The following NXPE3 variants were observed in gnomAD, a reference collection of about 807,000 sequenced individuals.
NXPE3 encodes the protein NXPE family member 3.
NXPE3 carries 26 observed loss-of-function variants against 46.1 expected under a neutral mutation model. The observed-to-expected ratio is 0.56, with a 90% CI of 0.41 to 0.78. The LOEUF is 0.78. Ranked by LOEUF, NXPE3 falls within the 30% of genes least tolerant of loss-of-function variation. The pLI, the probability that NXPE3 is intolerant of heterozygous loss-of-function variation, is 0.00. For synonymous variants in NXPE3, 272 were observed against 257.9 expected, an observed-to-expected ratio of 1.05 and a Z score of -0.52; for missense variants, 620 against 686.0, an observed-to-expected ratio of 0.90 and a Z score of 1.07.
At chr3:101,807,858 G>A (rs776545984) in intron 6 of NXPE3, among the ~76,000 whole-genome samples, 4 of 151,978 alleles carry the variant, frequency 2.6e-5, no homozygotes, top group African/African-American at 7.3e-5. Flanking sequence ...TCAAAAAGTT[G>A]TGTTGGACAT....
chr3:101,801,001 CTTGAGGGGCAGCTTTGTTAAG>C (rs1463071933), intron 4 of NXPE3, among the ~76,000 whole-genome samples: 5 of 152,086 alleles, frequency 3.3e-5, no homozygotes, highest in Non-Finnish European at 7.4e-5. Context: ...AGTGGTTTCT[CTTGAGGGGCAGCTTTGTTAAG>C]AACAACACAG....
In NXPE3 at chr3:101,824,545, G is replaced by A. The variant is rs1476186567; in HGVS notation, c.*2591G>A. On this transcript the variant is annotated 3_prime_UTR_variant, in exon 8 of 8. Coordinates refer to ENST00000273347, the MANE Select transcript of NXPE3 (RefSeq NM_145037.4). ...GCAGCCTTGACTTCCTGGGCTCAAG[G>A]GATCCTTCTGCCTCAGCCTCCTGAG... 6.6e-6 allele frequency: 1 copy of A among 152,280 alleles called. No homozygotes were observed. The highest frequency in any genetic ancestry group is 1.5e-5 in the Non-Finnish European group (1 of 68,178). The allele number at this position is 152,280 out of a possible 1,614,324, so 9.4% of individuals were successfully genotyped here.
intron 6 of NXPE3, among the ~76,000 whole-genome samples, chr3:101,809,197 T>C (rs1166758312): frequency 6.6e-6 from 1 of 152,090 alleles, no homozygotes; most frequent in African/African-American, 2.4e-5. Context: ...AGCCTTTTGA[T>C]ATATTTTTAG....
chr3:101,784,389 G>C (rs1315921710), intron 3 of NXPE3, among the ~76,000 whole-genome samples: 1 of 152,158 alleles, frequency 6.6e-6, no homozygotes, highest in African/African-American at 2.4e-5. Flanking sequence ...GCTCACCCTT[G>C]TCTCCTTTGT....
chr3:101,816,276 T>A (rs1941965451), intron 6 of NXPE3, among the ~76,000 whole-genome samples: 1 of 152,212 alleles, frequency 6.6e-6, no homozygotes, highest in African/African-American at 2.4e-5. Flanking sequence ...AAAACCTTTT[T>A]TTTTTTTAAT....
At position 101,816,846 on chromosome 3, in the gene NXPE3, A is replaced by G; in HGVS notation, c.974A>G (p.Tyr325Cys). Residue 325 changes from tyrosine (Y) to cysteine (C), a missense_variant, in exon 7 of 8, where the codon TAT becomes TGT. Physicochemically the swap from Tyr to Cys is radical, Grantham distance 194 (BLOSUM62 -2). Around this residue, in one of 3 missense-constraint regions of NXPE3, gnomAD observed 511 missense variants for 528.6 expected, o/e 0.97. Transcript: ENST00000273347. ...SQGSGTFPSG[Y>C]YYKDQWRPRK... ...GGCTCAGGAACTTTTCCTTCTGGGTATTATTATAAAGACCAGTGGAGGCCC... is the reference window on the plus strand; with the variant it reads ...GGCTCAGGAACTTTTCCTTCTGGGTGTTATTATAAAGACCAGTGGAGGCCC... 6.2e-7 allele frequency: 1 copy of G among 1,614,064 alleles called. No individual in the cohort carries two copies. Among genetic ancestry groups the G allele is most frequent in the Middle Eastern group, 1.6e-4 (1 of 6,062 alleles).
Position 101,822,175 on chromosome 3 carries a change from TCTTA to T in NXPE3, c.*222_*225del. On this transcript the variant is annotated 3_prime_UTR_variant, in exon 8 of 8. Transcript: ENST00000273347. Reference sequence around the variant, plus strand: ...AATGTTGACTTAGCCATGGTAGAACTCTTAACTGCATCTACACACTATATTGCTC... The same window carrying T: ...AATGTTGACTTAGCCATGGTAGAACTACTGCATCTACACACTATATTGCTC... 3.9e-6 allele frequency: 2 copies of T among 506,496 alleles called. No individual in the cohort carries two copies. The highest frequency in any genetic ancestry group is 7.0e-6 in the Non-Finnish European group (2 of 283,912). The allele number at this position is 506,496 out of a possible 1,614,324, so 31.4% of individuals were successfully genotyped here.
chr3:101,817,094 G>A, intron 7 of NXPE3, 93 bp downstream of exon 7: 2 of 1,081,980 alleles, frequency 1.8e-6, no homozygotes, highest in South Asian at 1.3e-5. Flanking sequence ...GTTATCAGGT[G>A]AGGAAACATA....
chr3:101,821,709 G>A lies in NXPE3; in HGVS notation c.1435G>A (p.Val479Met). 1 of 1,614,244 alleles carries A rather than the reference G, an allele frequency of 6.2e-7. No individual in the cohort carries two copies. The highest frequency in any genetic ancestry group is 1.3e-5 in the African/African-American group (1 of 75,070). ...CCTCGATCGAAGCCCAAAGACCGTG[G>A]TGGTCATCCGGACGGCCAACGCCCA... ...RLLDRSPKTVVVIRTANAQEL... is the reference protein window; with the variant it reads ...RLLDRSPKTVMVIRTANAQEL... The change falls in exon 8 of 8, where the codon GTG (valine) becomes ATG (methionine). Residue 479 changes from valine (V) to methionine (M), a missense_variant. Coordinates refer to ENST00000273347, the MANE Select transcript of NXPE3 (RefSeq NM_145037.4).
At chr3:101,817,836 G>A (rs750577415) in intron 7 of NXPE3, among the ~76,000 whole-genome samples, 1 of 152,094 alleles carries the variant, frequency 6.6e-6, no homozygotes, top group Non-Finnish European at 1.5e-5. Context: ...ATGGTTTGTT[G>A]TGAGTTGTTT....
At chr3:101,813,793 A>G (rs1001063637) in intron 6 of NXPE3, among the ~76,000 whole-genome samples, 3 of 152,344 alleles carry the variant, frequency 2.0e-5, no homozygotes, top group East Asian at 1.9e-4. Context: ...AGACTTTCAT[A>G]TCTCAGTTAT....
At chr3:101,820,123 A>G (rs1390794731) in intron 7 of NXPE3, among the ~76,000 whole-genome samples, 1 of 149,540 alleles carries the variant, frequency 6.7e-6, no homozygotes, top group Admixed American at 6.6e-5. Flanking sequence ...CTCATAAAAC[A>G]GAAGTTAAAG....
At chr3:101,812,738 G>C (rs935869987) in intron 6 of NXPE3, among the ~76,000 whole-genome samples, 78 of 138,956 alleles carry the variant, frequency 5.6e-4, no homozygotes, top group Non-Finnish European at 9.6e-4. Flanking sequence ...CGTGAACCCG[G>C]GAGGCGGAGG....
chr3:101,811,727 A>ATTTTTT (rs33999838), intron 6 of NXPE3, among the ~76,000 whole-genome samples: 9 of 98,630 alleles, frequency 9.1e-5, no homozygotes, highest in East Asian at 2.8e-4. Flanking sequence ...GCAGTAGTTA[A>ATTTTTT]TTTTTTTTTT....
intron 4 of NXPE3, 38 bp from the exon 5 acceptor site, chr3:101,801,197 A>G (rs1448764811): frequency 1.3e-6 from 2 of 1,562,104 alleles, no homozygotes; most frequent in Non-Finnish European, 1.7e-6. Context: ...GAGACCTATT[A>G]TAGTGGTAAT....
chr3:101,790,521 G>C (rs914774497), intron 4 of NXPE3, among the ~76,000 whole-genome samples: 1 of 152,160 alleles, frequency 6.6e-6, no homozygotes, highest in Non-Finnish European at 1.5e-5. Context: ...AATGTACTCT[G>C]TATGATATTA....
In NXPE3 at chr3:101,824,875, C is replaced by T. The variant is rs1942423363; in HGVS notation, c.*2921C>T. 6.6e-6 allele frequency: 1 copy of T among 152,158 alleles called. No homozygotes were observed. Among genetic ancestry groups the T allele is most frequent in the South Asian group, 2.1e-4 (1 of 4,832 alleles). The allele number at this position is 152,158 out of a possible 1,614,324, so 9.4% of individuals were successfully genotyped here. A position where few individuals can be genotyped will look rare whatever the true frequency, so the allele number is the denominator to read the frequency against. The stretch of plus-strand genomic sequence containing the variant: ...CCTCCAGTGGTTTGGAATGATGCCA[C>T]TTGATTGTGCAAATGATTTCTTATG... On this transcript the variant is annotated 3_prime_UTR_variant, in exon 8 of 8. Coordinates refer to ENST00000273347, the MANE Select transcript of NXPE3 (RefSeq NM_145037.4).
rs17347617 is a variant in NXPE3 at position 101,828,003 on chromosome 3, G to A, written c.*6049G>A. 0.051 allele frequency: 7,831 copies of A among 152,304 alleles called. 293 individuals carry two copies. The highest frequency in any genetic ancestry group is 0.078 in the Non-Finnish European group (5,281 of 68,034). The allele number at this position is 152,304 out of a possible 1,614,324, so 9.4% of individuals were successfully genotyped here. On this transcript the variant is annotated 3_prime_UTR_variant, in exon 8 of 8. Transcript: ENST00000273347. ...AGAGGGGCTGGCCTCCTCTTGCCACGAGGTCAGACGGCGAGTTCTTAGAGA... is the reference window on the plus strand; with the variant it reads ...AGAGGGGCTGGCCTCCTCTTGCCACAAGGTCAGACGGCGAGTTCTTAGAGA...
intron 6 of NXPE3, among the ~76,000 whole-genome samples, chr3:101,810,940 G>A (rs893932702): frequency 2.0e-5 from 3 of 151,732 alleles, no homozygotes; most frequent in Non-Finnish European, 4.4e-5. Context: ...AGCGATTCTC[G>A]TGCCTCAGCC....
Sources: gnomAD v4.1 joint callset for allele counts (sites outside exome capture counted in the v4.1 genomes callset) on GRCh38, gnomAD v4.1.1 for gene constraint, gnomAD v4.1.1 regional missense constraint, MANE v1.5 for transcripts, NCBI Gene and HGNC (gene_info 2026-07-23, HGNC 2026-07-21) for gene names.